HEG1: variants seen among roughly 807,000 people sequenced by gnomAD.
The protein encoded by HEG1 is protein HEG homolog 1.
A neutral mutation model predicts 125.6 loss-of-function variants in HEG1; 56 were observed. The ratio of observed to expected loss-of-function variants is 0.45; its 90% CI spans 0.36 to 0.56. The LOEUF (loss-of-function observed/expected upper bound fraction) is 0.56, where lower values mean the gene tolerates loss of function less well. Among genes scored for constraint, HEG1 ranks in the 20% least tolerant of loss-of-function variants. The pLI, the probability that HEG1 is intolerant of heterozygous loss-of-function variation, is 0.00. For missense variants in HEG1, 1,523 were observed against 1,670.0 expected, an observed-to-expected ratio of 0.91 and a Z score of 1.53; for synonymous variants, 644 against 668.5, an observed-to-expected ratio of 0.96 and a Z score of 0.57.
Position 125,027,437 on chromosome 3 carries a change from CTT to C in HEG1, c.679_680del (p.Lys227GlufsTer49), listed in dbSNP as rs753850485. 1 of 1,613,852 alleles carries C rather than the reference CTT, an allele frequency of 6.2e-7. No homozygotes were observed. Among genetic ancestry groups the C allele is most frequent in the Admixed American group, 1.7e-5 (1 of 60,006 alleles). ...FDERIAAFQT[K>X]SGTASEMGTE... is the part of the protein sequence containing the mutation. ...TTCCCATCTCCGAGGCTGTTCCACT[CTT>C]TGTTTGAAAAGCGGCAATTCTTTCA... On this transcript the variant is annotated frameshift_variant, in exon 3 of 17. Transcript: ENST00000311127. LOFTEE classifies it high-confidence loss of function.
intron 13 of HEG1, 42 bp from the exon 14 acceptor site, chr3:124,990,866 A>G (rs1462786421): frequency 6.4e-7 from 1 of 1,556,344 alleles, no homozygotes; most frequent in South Asian, 1.2e-5. Context: ...TTAGTTTCCA[A>G]TCTCAAAAGA....
chr3:125,013,927 T>G lies in HEG1; in HGVS notation c.1652A>C (p.His551Pro). ...AGATGACAGGTAGGTGTGGTCTGTGTGGTCGCTGGAAGTCCTTTGTTCAAT... is the reference window on the plus strand; with the variant it reads ...AGATGACAGGTAGGTGTGGTCTGTGGGGTCGCTGGAAGTCCTTTGTTCAAT... ...TAIEQRTSSD[H>P]TDHTYLSSTF... Residue 551 changes from histidine to proline, a missense_variant, in exon 6 of 17, where the codon CAC becomes CCC. His to Pro is a moderately conservative substitution (Grantham distance 77). Transcript: ENST00000311127. 1 of 1,613,392 alleles carries G rather than the reference T, an allele frequency of 6.2e-7. No homozygotes were observed. Among genetic ancestry groups the G allele is most frequent in the Non-Finnish European group, 8.5e-7 (1 of 1,179,710 alleles).
chr3:125,035,636 G>C (rs1167359487), intron 1 of HEG1, among the ~76,000 whole-genome samples: 1 of 151,978 alleles, frequency 6.6e-6, no homozygotes, highest in Non-Finnish European at 1.5e-5. Context: ...TTCTACTACA[G>C]TAAATTATAA....
intron 1 of HEG1, among the ~76,000 whole-genome samples, chr3:125,044,936 G>A (rs1937639250): frequency 6.6e-6 from 1 of 152,110 alleles, no homozygotes; most frequent in African/African-American, 2.4e-5. Flanking sequence ...TCAGCGCTCT[G>A]ATACGATTTA....
At chr3:125,032,838 G>T (rs1349122872) in intron 1 of HEG1, among the ~76,000 whole-genome samples, 1 of 152,194 alleles carries the variant, frequency 6.6e-6, no homozygotes, top group African/African-American at 2.4e-5. Context: ...CAGACAAGGT[G>T]AGACTCAGCC....
intron 12 of HEG1, among the ~76,000 whole-genome samples, chr3:124,994,616 C>T (rs1936888956): frequency 6.6e-6 from 1 of 151,778 alleles, no homozygotes; most frequent in Admixed American, 6.6e-5. Context: ...AGCGATTCTT[C>T]TGCCTCAGCC....
chr3:124,979,506 G>A (rs1009881867), intron 14 of HEG1, among the ~76,000 whole-genome samples: 2 of 151,952 alleles, frequency 1.3e-5, no homozygotes, highest in Non-Finnish European at 2.9e-5. Context: ...TTAATTAATT[G>A]CTTTTATATC....
chr3:124,985,691 G>A (rs1252978312), intron 14 of HEG1, among the ~76,000 whole-genome samples: 1 of 152,218 alleles, frequency 6.6e-6, no homozygotes. Context: ...GATAAGAAAG[G>A]TGCAGGCCTG....
intron 3 of HEG1, among the ~76,000 whole-genome samples, chr3:125,022,422 A>AGAGAGAGAGAGAGC (rs1560028842): frequency 6.6e-6 from 1 of 151,426 alleles, no homozygotes; most frequent in African/African-American, 2.4e-5. Context: ...AGAGAGAGAG[A>AGAGAGAGAGAGAGC]GAGCATGCAT....
chr3:124,996,102 T>C (rs184513868), intron 12 of HEG1, among the ~76,000 whole-genome samples: 1 of 152,038 alleles, frequency 6.6e-6, no homozygotes, highest in East Asian at 1.9e-4. Flanking sequence ...TTTTCTTTTT[T>C]TTTTTTGAGA....
chr3:125,018,919 T>G (rs1937292610), intron 5 of HEG1, among the ~76,000 whole-genome samples: 1 of 144,776 alleles, frequency 6.9e-6, no homozygotes, highest in African/African-American at 2.6e-5. Flanking sequence ...CAGGCTGGAG[T>G]GCAGTGGTGC....
Position 125,027,264 on chromosome 3 carries a change from A to G in HEG1, c.854T>C (p.Leu285Pro), listed in dbSNP as rs1937428480. 2 of 1,612,936 alleles carry G rather than the reference A, an allele frequency of 1.2e-6. No individual in the cohort carries two copies. The highest frequency in any genetic ancestry group is 1.7e-6 in the Non-Finnish European group (2 of 1,179,606). Residue 285 changes from leucine (L) to proline (P), a missense_variant, in exon 3 of 17, where the codon CTC (leucine) becomes CCC (proline). Physicochemically the swap from Leu to Pro is moderately conservative, Grantham distance 98. Transcript: ENST00000311127. ...SRKRNSSGPD[L>P]SWLHFYRTAA... ...TGTCCTGTAGAAATGCAGCCAGGAG[A>G]GATCTGGTCCTGAGGAATTTCTCTT... is the stretch of plus-strand genomic sequence containing the variant.
rs1360160080 is a variant in HEG1 at position 125,013,474 on chromosome 3, A to G, written c.2105T>C (p.Leu702Pro). ...LPSTRASVHL[L>P]KSTSDASTPW... ...TGTGGATGCATCAGAGGTAGACTTT[A>G]GTAGATGCACAGAGGCCCTGGTTGA... The change falls in exon 6 of 17, where the codon CTA (leucine) becomes CCA (proline). Residue 702 changes from leucine to proline, a missense_variant. Coordinates refer to ENST00000311127, the MANE Select transcript of HEG1 (RefSeq NM_020733.2). 3.7e-6 allele frequency: 6 copies of G among 1,613,854 alleles called. No homozygotes were observed. Among genetic ancestry groups the G allele is most frequent in the Non-Finnish European group, 5.1e-6 (6 of 1,179,886 alleles).
At position 125,019,268 on chromosome 3, in the gene HEG1, G is replaced by A. The variant is rs776148618; in HGVS notation, c.1582C>T (p.Arg528Cys). 1.2e-5 allele frequency: 20 copies of A among 1,605,314 alleles called. No homozygotes were observed. The African/African-American group carries it at 1.6e-4, about 13-fold the overall frequency. Residue 528 changes from arginine to cysteine, a missense_variant, in exon 5 of 17, where the codon CGT becomes TGT. Arg to Cys is a radical substitution (Grantham distance 180, BLOSUM62 -3). Transcript: ENST00000311127. ...SLNSSAPRGERSIAGISYGQV... is the reference protein window; with the variant it reads ...SLNSSAPRGECSIAGISYGQV... ...ATGAAATGGAAAAACTCACTCGAAC[G>A]TTCTCCACGTGGTGCTGATGAATTC... is the stretch of plus-strand genomic sequence containing the variant.
chr3:124,987,604 G>A (rs953023510), intron 14 of HEG1, among the ~76,000 whole-genome samples: 1 of 140,956 alleles, frequency 7.1e-6, no homozygotes, highest in Non-Finnish European at 1.5e-5. Flanking sequence ...CTCACTGCAA[G>A]CTCCGCCCCC....
chr3:125,042,906 G>C (rs1298612739), intron 1 of HEG1, among the ~76,000 whole-genome samples: 1 of 152,224 alleles, frequency 6.6e-6, no homozygotes, highest in Non-Finnish European at 1.5e-5. Flanking sequence ...GCTGTGTTTT[G>C]AAATGCTGCT....
In HEG1 at chr3:125,013,156, G is replaced by T; in HGVS notation, c.2423C>A (p.Ala808Asp). The change falls in exon 6 of 17, where the codon GCT becomes GAT. Residue 808 changes from alanine to aspartate, a missense_variant. Transcript: ENST00000311127. ...LVSLPTESTK[A>D]VTTNSPLPPS... ...AGGCAAAGGAGAGTTTGTTGTTACA[G>T]CTTTGGTGGACTCTGTGGGCAGAGA... 2 of 1,614,038 alleles carry T rather than the reference G, an allele frequency of 1.2e-6. No individual in the cohort carries two copies. The highest frequency in any genetic ancestry group is 1.7e-6 in the Non-Finnish European group (2 of 1,179,894).
chr3:124,973,612 C>T, intron 16 of HEG1, 119 bp downstream of exon 16: 2 of 704,758 alleles, frequency 2.8e-6, no homozygotes, highest in Non-Finnish European at 4.6e-6. Context: ...ATCAGAGGTT[C>T]ATGCCACTAC....
At chr3:124,996,770 G>A (rs915482128) in intron 12 of HEG1, among the ~76,000 whole-genome samples, 2 of 152,218 alleles carry the variant, frequency 1.3e-5, no homozygotes, top group Non-Finnish European at 2.9e-5. Flanking sequence ...TTTTTATTCA[G>A]ATTCCAGTAA....
Sources: allele counts gnomAD v4.1 joint callset (sites outside exome capture counted in the v4.1 genomes callset), GRCh38; gene constraint gnomAD v4.1.1; transcripts MANE v1.5; gene names NCBI Gene and HGNC (gene_info 2026-07-23, HGNC 2026-07-21).